FAM135B: variants seen among roughly 807,000 people sequenced by gnomAD.
FAM135B encodes family with sequence similarity 135 member B.
FAM135B carries 43 observed loss-of-function variants against 127.7 expected under a neutral mutation model. The ratio of observed to expected loss-of-function variants is 0.34; its 90% CI spans 0.26 to 0.43. FAM135B has a LOEUF of 0.43. Ranked by LOEUF, FAM135B falls within the 20% of genes least tolerant of loss-of-function variation. The pLI is 1.00. For synonymous variants in FAM135B, 670 were observed against 665.1 expected, an observed-to-expected ratio of 1.01 and a Z score of -0.11; for missense variants, 1,558 against 1,725.6, an observed-to-expected ratio of 0.90 and a Z score of 1.72.
intron 1 of FAM135B, among the ~76,000 whole-genome samples, chr8:138,471,544 C>G (rs13279061): frequency 0.35 from 53,366 of 151,908 alleles, 11,289 homozygotes; most frequent in South Asian, 0.55. Context: ...ACAAAAGTAC[C>G]ATTTACCCAC....
chr8:138,488,638 G>GT (rs997053080), intron 1 of FAM135B, among the ~76,000 whole-genome samples: 18 of 151,838 alleles, frequency 1.2e-4, no homozygotes, highest in South Asian at 2.1e-4. Context: ...GTTTTTGTTT[G>GT]TTTTTTTGTG....
At chr8:138,475,949 T>A (rs942703497) in intron 1 of FAM135B, among the ~76,000 whole-genome samples, 7 of 152,194 alleles carry the variant, frequency 4.6e-5, no homozygotes, top group African/African-American at 1.7e-4. Flanking sequence ...TGTCAAAACT[T>A]GGAAGCAACC....
chr8:138,178,107 G>A (rs919772182), intron 10 of FAM135B, among the ~76,000 whole-genome samples: 1 of 152,092 alleles, frequency 6.6e-6, no homozygotes, highest in Non-Finnish European at 1.5e-5. Context: ...AATTAGTCGG[G>A]TGTGGTGGTG....
At chr8:138,267,625 C>T (rs1823041794) in intron 3 of FAM135B, among the ~76,000 whole-genome samples, 1 of 150,270 alleles carries the variant, frequency 6.7e-6, no homozygotes, top group Non-Finnish European at 1.5e-5. Context: ...GTACCTTGTA[C>T]ACTGTCTCTG....
chr8:138,360,770 C>A (rs890372828), intron 2 of FAM135B, among the ~76,000 whole-genome samples: 1 of 152,130 alleles, frequency 6.6e-6, no homozygotes, highest in Non-Finnish European at 1.5e-5. Flanking sequence ...ACTTCTAGTA[C>A]ATGATGAAGT....
intron 2 of FAM135B, among the ~76,000 whole-genome samples, chr8:138,339,679 C>T (rs1324421842): frequency 6.6e-6 from 1 of 152,170 alleles, no homozygotes; most frequent in Admixed American, 6.5e-5. Context: ...AGCATTCCAT[C>T]AGCTGAGAGC....
intron 3 of FAM135B, among the ~76,000 whole-genome samples, chr8:138,272,871 A>G (rs534480528): frequency 6.6e-6 from 1 of 152,188 alleles, no homozygotes; most frequent in Non-Finnish European, 1.5e-5. Context: ...TTTGAGTTAA[A>G]AGACATGGGT....
At chr8:138,420,476 A>G (rs2131451142) in intron 1 of FAM135B, among the ~76,000 whole-genome samples, 1 of 152,136 alleles carries the variant, frequency 6.6e-6, no homozygotes. Flanking sequence ...ATCAAGGAGT[A>G]GGGACTCCTC....
intron 2 of FAM135B, among the ~76,000 whole-genome samples, chr8:138,326,967 G>C (rs914162755): frequency 6.6e-6 from 1 of 152,144 alleles, no homozygotes; most frequent in Non-Finnish European, 1.5e-5. Context: ...AGGGGAAGAA[G>C]TCTTCCAAAG....
chr8:138,483,448 C>A (rs1814865450), intron 1 of FAM135B, among the ~76,000 whole-genome samples: 1 of 152,150 alleles, frequency 6.6e-6, no homozygotes, highest in Non-Finnish European at 1.5e-5. Flanking sequence ...TGAATTCAAC[C>A]ATCAGAGGGG....
chr8:138,207,333 C>A (rs1817774395), intron 7 of FAM135B, among the ~76,000 whole-genome samples: 1 of 151,578 alleles, frequency 6.6e-6, no homozygotes, highest in African/African-American at 2.4e-5. Flanking sequence ...CCCAGCCTCC[C>A]AACTAGCTGG....
At chr8:138,368,026 C>G (rs2131218204) in intron 1 of FAM135B, 24 bp from the exon 2 acceptor site, 1 of 1,548,152 alleles carries the variant, frequency 6.5e-7, no homozygotes, top group South Asian at 1.1e-5. Context: ...GAGAAATTAA[C>G]AGTTTGAGAT....
At chr8:138,465,950 T>C (rs1837358207) in intron 1 of FAM135B, among the ~76,000 whole-genome samples, 1 of 152,184 alleles carries the variant, frequency 6.6e-6, no homozygotes, top group African/African-American at 2.4e-5. Flanking sequence ...CAGATAACTT[T>C]TTTTTAGTAG....
chr8:138,309,004 T>C (rs1056646123), intron 3 of FAM135B: 14 of 455,230 alleles, frequency 3.1e-5, no homozygotes, highest in African/African-American at 1.4e-4. Context: ...GTGCTGGTTC[T>C]TGTTCTGACA....
At position 138,167,941 on chromosome 8, in the gene FAM135B, G is replaced by A. The variant is rs1820092849; in HGVS notation, c.1212C>T (p.Thr404=). 6.2e-7 allele frequency: 1 copy of A among 1,613,720 alleles called. No individual in the cohort carries two copies. Among genetic ancestry groups the A allele is most frequent in the Non-Finnish European group, 8.5e-7 (1 of 1,179,886 alleles). ...ATCTGTCCTCAAAGATCACCGGCAGGGTGTTCCAATCGCCGTCGATGTCCA... is the reference window on the plus strand; with the variant it reads ...ATCTGTCCTCAAAGATCACCGGCAGAGTGTTCCAATCGCCGTCGATGTCCA... ...ECLDIDGDWN[T]LPVIFEDRYV... is the part of the protein sequence containing the mutation. The change falls in exon 12 of 20, where the codon ACC becomes ACT. Residue 404 remains threonine (T), a synonymous_variant. Transcript: ENST00000395297.
chr8:138,416,025 A>C (rs1256220924), intron 1 of FAM135B, among the ~76,000 whole-genome samples: 1 of 152,080 alleles, frequency 6.6e-6, no homozygotes, highest in Non-Finnish European at 1.5e-5. Context: ...CTTCCCTTGG[A>C]GCATTCATGC....
At chr8:138,139,634 C>A (rs933382938) in intron 17 of FAM135B, among the ~76,000 whole-genome samples, 4 of 152,114 alleles carry the variant, frequency 2.6e-5, no homozygotes, top group African/African-American at 9.7e-5. Context: ...GGCATGGTGG[C>A]AGGCACCTGT....
At chr8:138,397,787 T>C (rs1832928669) in intron 1 of FAM135B, among the ~76,000 whole-genome samples, 1 of 152,126 alleles carries the variant, frequency 6.6e-6, no homozygotes, top group Non-Finnish European at 1.5e-5. Flanking sequence ...ACATTTTCCT[T>C]TGGTGATGGC....
chr8:138,338,551 C>A (rs1431946762), intron 2 of FAM135B, among the ~76,000 whole-genome samples: 1 of 151,542 alleles, frequency 6.6e-6, no homozygotes, highest in East Asian at 1.9e-4. Flanking sequence ...AAATCAAAAC[C>A]ACAATGAGAT....
Sources: allele counts gnomAD v4.1 joint callset (sites outside exome capture counted in the v4.1 genomes callset), GRCh38; gene constraint gnomAD v4.1.1; transcripts MANE v1.5; gene names NCBI Gene and HGNC (gene_info 2026-07-23, HGNC 2026-07-21).